The following CUBN variants were observed in gnomAD, a reference collection of about 807,000 sequenced individuals.
The protein encoded by CUBN is 460 kDa receptor.
A neutral mutation model predicts 405.3 loss-of-function variants in CUBN; 282 were observed. The ratio of observed to expected loss-of-function variants is 0.70; its 90% confidence interval spans 0.63 to 0.77. The LOEUF (loss-of-function observed/expected upper bound fraction) is 0.77. Ranked by LOEUF, CUBN falls within the 30% of genes least tolerant of loss-of-function variation. CUBN has a pLI of 0.00. For synonymous variants in CUBN, 1,684 were observed against 1,617.0 expected (o/e 1.04, Z -0.99); for missense variants, 4,514 against 4,475.2 (o/e 1.01, Z -0.25).
chr10:17,027,448 A>C (rs1834697494), intron 27 of CUBN, among the ~76,000 whole-genome samples: 1 of 152,238 alleles, frequency 6.6e-6, no homozygotes, highest in African/African-American at 2.4e-5. Flanking sequence ...ATATACAAGG[A>C]GCGATGACAG....
intron 17 of CUBN, among the ~76,000 whole-genome samples, chr10:17,076,688 A>G (rs544505509): frequency 1.8e-4 from 28 of 152,290 alleles, no homozygotes; most frequent in Admixed American, 1.2e-3. Flanking sequence ...GCTTTGCCCA[A>G]CAGAGTGTGA....
chr10:16,924,430 T>C (rs1842123309), intron 43 of CUBN, among the ~76,000 whole-genome samples: 1 of 152,150 alleles, frequency 6.6e-6, no homozygotes. Flanking sequence ...CTCTTATTCA[T>C]CTCTTTTACC....
At chr10:16,953,060 C>T (rs893018721) in intron 32 of CUBN, among the ~76,000 whole-genome samples, 2 of 152,132 alleles carry the variant, frequency 1.3e-5, no homozygotes, top group African/African-American at 4.8e-5. Flanking sequence ...TCTTGGTTAA[C>T]ATCTGCAGGA....
intron 28 of CUBN, among the ~76,000 whole-genome samples, chr10:17,011,303 T>C (rs1834173010): frequency 6.6e-6 from 1 of 152,170 alleles, no homozygotes; most frequent in Non-Finnish European, 1.5e-5. Context: ...CCAGAGTTTG[T>C]TCAGATGTTC....
At chr10:17,087,466 CTTTTTCTTTTTTT>C (rs1324790768) in intron 15 of CUBN, among the ~76,000 whole-genome samples, 3 of 79,790 alleles carry the variant, frequency 3.8e-5, no homozygotes, top group African/African-American at 5.6e-5. Flanking sequence ...TATTATTTTT[CTTTTTCTTTTTTT>C]TTTTTTTTTT....
Position 16,925,648 on chromosome 10 carries a change from T to G in CUBN, c.6398A>C (p.His2133Pro). 6.2e-7 allele frequency: 1 copy of G among 1,614,028 alleles called. No individual in the cohort carries two copies. Among genetic ancestry groups the G allele is most frequent in the Non-Finnish European group, 8.5e-7 (1 of 1,179,964 alleles). The change falls in exon 42 of 67, where the codon CAT becomes CCT. Residue 2133 changes from histidine to proline, a missense_variant. His to Pro is a moderately conservative substitution (Grantham distance 77). Around this residue, in one of 5 missense-constraint regions of CUBN, gnomAD observed 1,613 missense variants for 1,542.8 expected, o/e 1.05. Transcript: ENST00000377833. ...TGGAATCTGGAAAGGCTGTTCAAAATGGACAGCAATGGTCAGGCCACTTTG... is the reference window on the plus strand; with the variant it reads ...TGGAATCTGGAAAGGCTGTTCAAAAGGGACAGCAATGGTCAGGCCACTTTG... ...LVQSGLTIAVHFEQPFQIPNG... is the reference protein window; with the variant it reads ...LVQSGLTIAVPFEQPFQIPNG...
intron 43 of CUBN, among the ~76,000 whole-genome samples, chr10:16,920,805 A>G (rs1365430746): frequency 2.6e-5 from 4 of 152,224 alleles, no homozygotes; most frequent in Non-Finnish European, 5.9e-5. Context: ...AGTACTTACA[A>G]TGCCAATGAA....
At chr10:16,915,610 G>A (rs961946805) in intron 46 of CUBN, among the ~76,000 whole-genome samples, 1 of 152,180 alleles carries the variant, frequency 6.6e-6, no homozygotes, top group Middle Eastern at 3.2e-3. Context: ...GGCCTCCAGG[G>A]TGGGCTATAT....
intron 27 of CUBN, among the ~76,000 whole-genome samples, chr10:17,031,991 A>G (rs374790304): frequency 3.3e-5 from 5 of 152,210 alleles, no homozygotes; most frequent in African/African-American, 1.2e-4. Context: ...GCCCTTATGG[A>G]GAAGTCCATG....
At chr10:16,828,733 A>C in intron 66 of CUBN, 72 bp downstream of exon 66, 1 of 1,257,342 alleles carries the variant, frequency 8.0e-7, no homozygotes, top group Non-Finnish European at 1.2e-6. Context: ...AAAAAAAAAA[A>C]AAGTCTACAC....
At chr10:16,983,649 T>G (rs1298442610) in intron 30 of CUBN, among the ~76,000 whole-genome samples, 1 of 152,240 alleles carries the variant, frequency 6.6e-6, no homozygotes, top group Non-Finnish European at 1.5e-5. Context: ...ATTTTTGCTA[T>G]AGTTTAAAAA....
At chr10:17,022,162 A>C (rs905465263) in intron 27 of CUBN, among the ~76,000 whole-genome samples, 8 of 152,196 alleles carry the variant, frequency 5.3e-5, no homozygotes, top group African/African-American at 1.9e-4. Context: ...GAACCAGGTG[A>C]GGGCCTTGTT....
chr10:17,036,368 G>C (rs1474745225), intron 27 of CUBN, among the ~76,000 whole-genome samples: 1 of 152,182 alleles, frequency 6.6e-6, no homozygotes, highest in Non-Finnish European at 1.5e-5. Context: ...GAATGGATGG[G>C]AACAGTCAGG....
chr10:16,982,710 T>A, intron 30 of CUBN, 57 bp from the exon 31 acceptor site: 1 of 1,460,014 alleles, frequency 6.8e-7, no homozygotes, highest in African/African-American at 1.4e-5. Flanking sequence ...TCGAAAATAA[T>A]CCATTACCTG....
intron 27 of CUBN, among the ~76,000 whole-genome samples, chr10:17,040,806 G>A (rs145778562): frequency 1.3e-4 from 20 of 152,228 alleles, no homozygotes; most frequent in Middle Eastern, 3.4e-3. Flanking sequence ...TGAGGTCAAT[G>A]AGTCCAGAAG....
intron 28 of CUBN, among the ~76,000 whole-genome samples, chr10:17,001,192 G>T (rs1833868418): frequency 6.6e-6 from 1 of 152,172 alleles, no homozygotes; most frequent in African/African-American, 2.4e-5. Context: ...TGGAGTGAGT[G>T]TTACAGCTCA....
At chr10:16,927,911 G>A (rs1232634117) in intron 41 of CUBN, among the ~76,000 whole-genome samples, 9 of 152,074 alleles carry the variant, frequency 5.9e-5, no homozygotes, top group Non-Finnish European at 8.8e-5. Flanking sequence ...ACCTCCTTTG[G>A]AGCGAAGATG....
intron 10 of CUBN, among the ~76,000 whole-genome samples, chr10:17,108,609 A>T (rs1436013597): frequency 1.3e-5 from 2 of 152,140 alleles, no homozygotes; most frequent in Non-Finnish European, 2.9e-5. Flanking sequence ...AAAATATCTT[A>T]CCATAAAAAA....
intron 17 of CUBN, among the ~76,000 whole-genome samples, chr10:17,081,374 C>T (rs1225634782): frequency 1.1e-4 from 17 of 152,328 alleles, no homozygotes. Flanking sequence ...CTCTTCTCCA[C>T]TCTTTCTAAA....
Sources: allele counts gnomAD v4.1 joint callset (sites outside exome capture counted in the v4.1 genomes callset), GRCh38; gene constraint gnomAD v4.1.1; regional missense constraint gnomAD v4.1.1; transcripts MANE v1.5; gene names NCBI Gene and HGNC (gene_info 2026-07-23, HGNC 2026-07-21).